The following MTMR2 variants were observed in gnomAD, a reference collection of about 807,000 sequenced individuals.
MTMR2 encodes the protein myotubularin related protein 2.
In MTMR2, 55 loss-of-function variants were observed where a neutral mutation model predicts 86.9. The observed-to-expected ratio is 0.63, with a 90% CI of 0.51 to 0.79. MTMR2 has a LOEUF of 0.79. Among genes scored for constraint, MTMR2 ranks in the 30% least tolerant of loss-of-function variants. The pLI, the probability that MTMR2 is intolerant of heterozygous loss-of-function variation, is 0.00. For synonymous variants in MTMR2, 241 were observed against 266.8 expected, an observed-to-expected ratio of 0.90 and a Z score of 0.94; for missense variants, 659 against 772.3, an observed-to-expected ratio of 0.85 and a Z score of 1.74.
At chr11:95,859,823 A>C (rs1486781996) in intron 5 of MTMR2, among the ~76,000 whole-genome samples, 2 of 152,204 alleles carry the variant, frequency 1.3e-5, no homozygotes, top group African/African-American at 4.8e-5. Context: ...ACAATACATA[A>C]GTAAGACAGT....
In MTMR2 at chr11:95,923,731, G is replaced by A. The variant is rs538575023; in HGVS notation, c.80+144C>T. The A allele has an allele frequency of 1.0e-4, 149 of 1,466,086 alleles. No individual in the cohort carries two copies. The African/African-American group carries it at 1.7e-3, about 17-fold the overall frequency. The allele number at this position is 1,466,086 out of a possible 1,614,324, so 90.8% of individuals were successfully genotyped here. A position where few individuals can be genotyped will look rare whatever the true frequency, so the allele number is the denominator to read the frequency against. On this transcript the variant is annotated intron_variant, in intron 1 of 14. Coordinates refer to ENST00000346299, the MANE Select transcript of MTMR2 (RefSeq NM_016156.6). ...CCTCCACGCCCCAGGGAGGGAGGCA[G>A]AAGTGGTTCCCAAGTCCCGGGGAAG...
chr11:95,882,058 A>C (rs1865345406), intron 2 of MTMR2, among the ~76,000 whole-genome samples: 1 of 152,166 alleles, frequency 6.6e-6, no homozygotes, highest in African/African-American at 2.4e-5. Flanking sequence ...ATAAATGCTA[A>C]TAATCATTTC....
At chr11:95,865,841 A>C (rs1211416309) in intron 2 of MTMR2, among the ~76,000 whole-genome samples, 165 bp from the exon 3 acceptor site, 1 of 152,222 alleles carries the variant, frequency 6.6e-6, no homozygotes, top group Non-Finnish European at 1.5e-5. Context: ...TAATATATGA[A>C]GTTAATGTTT....
intron 1 of MTMR2, among the ~76,000 whole-genome samples, chr11:95,920,836 C>A (rs1161777309): frequency 1.3e-5 from 2 of 152,148 alleles, no homozygotes; most frequent in Non-Finnish European, 2.9e-5. Flanking sequence ...CCCCTAGGCT[C>A]AAGTGATCCT....
chr11:95,899,237 T>C (rs1055124507), intron 1 of MTMR2, among the ~76,000 whole-genome samples: 4 of 151,998 alleles, frequency 2.6e-5, no homozygotes, highest in Non-Finnish European at 5.9e-5. Context: ...GGAAACAGAA[T>C]AGAATTTAGC....
At chr11:95,911,895 A>G (rs1488642466) in intron 1 of MTMR2, among the ~76,000 whole-genome samples, 3 of 152,104 alleles carry the variant, frequency 2.0e-5, no homozygotes, top group Non-Finnish European at 4.4e-5. Flanking sequence ...CACCTTGCAA[A>G]CCTGAATTCA....
At chr11:95,887,172 T>A (rs17840711) in intron 2 of MTMR2, among the ~76,000 whole-genome samples, 21,679 of 152,164 alleles carry the variant, frequency 0.14, 2,124 homozygotes, top group African/African-American at 0.27. Context: ...GATATAAGTA[T>A]CCTCAACTTA....
chr11:95,889,811 T>C (rs1180089720), intron 1 of MTMR2, among the ~76,000 whole-genome samples: 1 of 152,180 alleles, frequency 6.6e-6, no homozygotes, highest in East Asian at 1.9e-4. Flanking sequence ...TTAAAATTAT[T>C]TAAGGTAAGA....
Position 95,834,455 on chromosome 11 carries a change from TA to T in MTMR2, c.*834del, listed in dbSNP as rs1022591922. On this transcript the variant is annotated 3_prime_UTR_variant, in exon 15 of 15. Transcript: ENST00000346299. ...CCTAGTAAGATTTTTAAATACTTCT[TA>T]AAAACTTGCTAATTAGCTTCTGTGT... The T allele has an allele frequency of 4.6e-5, 7 of 152,114 alleles. No individual in the cohort carries two copies. Among genetic ancestry groups the T allele is most frequent in the African/African-American group, 1.7e-4 (7 of 41,436 alleles). 9.4% of individuals were successfully genotyped at this position (152,114 alleles called of 1,614,324 possible).
chr11:95,870,709 T>G (rs970127254), intron 2 of MTMR2, among the ~76,000 whole-genome samples: 2 of 150,970 alleles, frequency 1.3e-5, no homozygotes, highest in African/African-American at 4.9e-5. Context: ...ATCTTCTTTT[T>G]TTTTTTTAAG....
In MTMR2 at chr11:95,836,198, C is replaced by A. The variant is rs1280440631; in HGVS notation, c.1720G>T (p.Glu574Ter). 2.5e-6 allele frequency: 4 copies of A among 1,612,888 alleles called. No homozygotes were observed. The highest frequency in any genetic ancestry group is 1.3e-5 in the African/African-American group (1 of 74,822). The change falls in exon 14 of 15, where the codon GAG becomes TAG. Residue 574 changes from glutamate to a stop codon, truncating the protein, a stop_gained. Coordinates refer to ENST00000346299, the MANE Select transcript of MTMR2 (RefSeq NM_016156.6). LOFTEE classifies it high-confidence loss of function. ...CTTATGTAATATCCCACCCAGAGCT[C>A]TAGGTGGCGCATGCTGGCTACTGGA... ...LYPVASMRHL[E>*]LWVGYYIRWN...
chr11:95,857,549 T>A lies in MTMR2; in HGVS notation c.654+3A>T. ...TAAAATTGAAAGAGAAGAAAGTACA[T>A]ACCTGCCTTCTATACTCTAAAAGAG... On this transcript the variant is annotated splice_donor_region_variant and intron_variant, in intron 7 of 14. Coordinates refer to ENST00000346299, the MANE Select transcript of MTMR2 (RefSeq NM_016156.6). 1.3e-6 allele frequency: 2 copies of A among 1,595,154 alleles called. No individual in the cohort carries two copies. The highest frequency in any genetic ancestry group is 1.7e-6 in the Non-Finnish European group (2 of 1,163,044).
intron 1 of MTMR2, among the ~76,000 whole-genome samples, chr11:95,897,252 T>C (rs2135570944): frequency 6.6e-6 from 1 of 152,262 alleles, no homozygotes; most frequent in Non-Finnish European, 1.5e-5. Flanking sequence ...AAATGAGTAT[T>C]CTGCCTTTTG....
At chr11:95,850,465 T>C in intron 8 of MTMR2, 135 bp downstream of exon 8, 1 of 926,840 alleles carries the variant, frequency 1.1e-6, no homozygotes, top group Non-Finnish European at 1.7e-6. Flanking sequence ...ACTAAATAAA[T>C]CAATCTCCAA....
intron 1 of MTMR2, among the ~76,000 whole-genome samples, chr11:95,913,436 T>C (rs1348124508): frequency 6.6e-6 from 1 of 152,122 alleles, no homozygotes; most frequent in Non-Finnish European, 1.5e-5. Flanking sequence ...GGAACTAGAC[T>C]AGCATCCAAC....
intron 3 of MTMR2, 85 bp downstream of exon 3, chr11:95,865,516 A>C: frequency 8.0e-7 from 1 of 1,254,748 alleles, no homozygotes; most frequent in Non-Finnish European, 1.2e-6. Flanking sequence ...TCTGACAGCC[A>C]GTTTATTCTC....
At chr11:95,839,971 T>C (rs1451189172) in intron 12 of MTMR2, 1 of 152,176 alleles carries the variant, frequency 6.6e-6, no homozygotes, top group African/African-American at 2.4e-5. Context: ...TACTTTTAGA[T>C]AGACAGCATA....
chr11:95,919,127 T>C (rs939107391), intron 1 of MTMR2, among the ~76,000 whole-genome samples: 1 of 150,510 alleles, frequency 6.6e-6, no homozygotes, highest in African/African-American at 2.5e-5. Context: ...CGTTAGCTAC[T>C]GCACCTGGCC....
At chr11:95,851,054 CCTTTT>C (rs1254681917) in intron 7 of MTMR2, among the ~76,000 whole-genome samples, 4 of 133,914 alleles carry the variant, frequency 3.0e-5, no homozygotes, top group African/African-American at 1.2e-4. Context: ...TTCAAATATT[CCTTTT>C]TTTTTTTTTT....
Sources: allele counts gnomAD v4.1 joint callset (sites outside exome capture counted in the v4.1 genomes callset), GRCh38; gene constraint gnomAD v4.1.1; transcripts MANE v1.5; gene names NCBI Gene and HGNC (gene_info 2026-07-23, HGNC 2026-07-21).